The following ZDHHC14 variants were observed in gnomAD, a reference collection of about 807,000 sequenced individuals.
ZDHHC14 encodes the protein palmitoyltransferase ZDHHC14.
Under a neutral mutation model 47.7 loss-of-function variants are expected in ZDHHC14, and 16 were observed. That is an observed-to-expected ratio of 0.34 (90% CI 0.23 to 0.51). The LOEUF is 0.51. ZDHHC14 is among the 20% of genes least tolerant of loss of function. ZDHHC14 has a pLI of 0.97. For synonymous variants in ZDHHC14, 293 were observed against 278.9 expected (o/e 1.05, Z -0.50); for missense variants, 515 against 662.5 (o/e 0.78, Z 2.44).
intron 2 of ZDHHC14, among the ~76,000 whole-genome samples, chr6:157,547,189 C>T (rs887574746): frequency 3.9e-5 from 6 of 152,206 alleles, no homozygotes; most frequent in Non-Finnish European, 5.9e-5. Context: ...CGCACGTGCA[C>T]GTGTGTGTGT....
chr6:157,525,427 A>G (rs532971244), intron 1 of ZDHHC14, among the ~76,000 whole-genome samples: 61 of 152,038 alleles, frequency 4.0e-4, no homozygotes, highest in Non-Finnish European at 2.2e-4. Context: ...CGGCCTCCCA[A>G]ACTTCTGGGA....
intron 1 of ZDHHC14, among the ~76,000 whole-genome samples, chr6:157,397,613 G>T (rs145551930): frequency 0.012 from 1,769 of 152,296 alleles, 14 homozygotes; most frequent in Non-Finnish European, 0.016. Flanking sequence ...AGGAGTTTCA[G>T]CTCAAGGCCC....
chr6:157,381,626 T>C lies in ZDHHC14; in HGVS notation c.-396T>C. 3.7e-6 allele frequency: 1 copy of C among 272,576 alleles called. No homozygotes were observed. The highest frequency in any genetic ancestry group is 2.9e-5 in the South Asian group (1 of 34,938). The allele number at this position is 272,576 out of a possible 1,614,324, so 16.9% of individuals were successfully genotyped here. A position where few individuals can be genotyped will look rare whatever the true frequency, so the allele number is the denominator to read the frequency against. On this transcript the variant is annotated 5_prime_UTR_variant, in exon 1 of 9. Transcript: ENST00000359775. ...CCCCTCGGGGCGCAGTGCTCGGGGG[T>C]CGGCGGGCCAGAGCCGAGGCGCGGC...
intron 1 of ZDHHC14, among the ~76,000 whole-genome samples, chr6:157,423,012 C>A (rs941871895): frequency 6.6e-6 from 1 of 152,214 alleles, no homozygotes. Context: ...ACTTTTCAGT[C>A]GATAAGGAAA....
At chr6:157,399,245 T>C (rs1306271498) in intron 1 of ZDHHC14, among the ~76,000 whole-genome samples, 1 of 152,228 alleles carries the variant, frequency 6.6e-6, no homozygotes, top group African/African-American at 2.4e-5. Flanking sequence ...TCAAGAAATA[T>C]TTACTGAGTA....
At chr6:157,575,089 C>T (rs1055164774) in intron 2 of ZDHHC14, among the ~76,000 whole-genome samples, 1 of 152,086 alleles carries the variant, frequency 6.6e-6, no homozygotes, top group Non-Finnish European at 1.5e-5. Context: ...GTGTTGCCAT[C>T]TTGAGCCTGA....
chr6:157,439,925 C>T (rs140236419), intron 1 of ZDHHC14, among the ~76,000 whole-genome samples: 203 of 152,136 alleles, frequency 1.3e-3, no homozygotes, highest in African/African-American at 4.6e-3. Flanking sequence ...AACCGAACAC[C>T]GCATGTTCTC....
At chr6:157,574,290 G>T (rs1015440696) in intron 2 of ZDHHC14, among the ~76,000 whole-genome samples, 3 of 152,118 alleles carry the variant, frequency 2.0e-5, no homozygotes, top group African/African-American at 7.2e-5. Flanking sequence ...GAGCATGGTG[G>T]TGAATGCCTG....
chr6:157,468,892 A>G (rs1031528728), intron 1 of ZDHHC14, among the ~76,000 whole-genome samples: 1 of 152,192 alleles, frequency 6.6e-6, no homozygotes, highest in Non-Finnish European at 1.5e-5. Context: ...AGGATTTAAG[A>G]TCATTTAACT....
chr6:157,616,988 C>T (rs1163972828), intron 3 of ZDHHC14, among the ~76,000 whole-genome samples: 7 of 152,158 alleles, frequency 4.6e-5, no homozygotes, highest in Admixed American at 6.5e-5. Flanking sequence ...TAGGGGTCTT[C>T]TGACCATCAC....
At chr6:157,536,670 A>G (rs993583420) in intron 1 of ZDHHC14, among the ~76,000 whole-genome samples, 1 of 152,192 alleles carries the variant, frequency 6.6e-6, no homozygotes, top group Non-Finnish European at 1.5e-5. Flanking sequence ...CATTATGTCA[A>G]ATTCTAACCT....
chr6:157,636,299 C>A (rs1270915894), intron 5 of ZDHHC14, among the ~76,000 whole-genome samples: 2 of 151,436 alleles, frequency 1.3e-5, no homozygotes, highest in Non-Finnish European at 2.9e-5. Flanking sequence ...TATAGACGCA[C>A]ACACACACAT....
intron 2 of ZDHHC14, among the ~76,000 whole-genome samples, chr6:157,579,190 GTT>G (rs1187065924): frequency 3.1e-5 from 2 of 63,968 alleles, no homozygotes; most frequent in African/African-American, 5.5e-5. Flanking sequence ...TTGATTCTGT[GTT>G]TTTTTTTTTT....
At chr6:157,414,041 A>T (rs543976146) in intron 1 of ZDHHC14, among the ~76,000 whole-genome samples, 55 of 152,210 alleles carry the variant, frequency 3.6e-4, no homozygotes, top group African/African-American at 1.3e-3. Context: ...GGTTCAAGCG[A>T]TTCTCCTGCC....
intron 1 of ZDHHC14, among the ~76,000 whole-genome samples, chr6:157,391,208 A>T (rs1035210961): frequency 6.6e-6 from 1 of 152,212 alleles, no homozygotes; most frequent in Non-Finnish European, 1.5e-5. Flanking sequence ...CTTACCAAAC[A>T]GTGGAAGATT....
At chr6:157,509,537 C>T (rs1403755401) in intron 1 of ZDHHC14, among the ~76,000 whole-genome samples, 1 of 152,188 alleles carries the variant, frequency 6.6e-6, no homozygotes, top group Non-Finnish European at 1.5e-5. Context: ...GGCGGCAGAG[C>T]TGGATTCACA....
rs1160620971 is a variant in ZDHHC14, at chr6:157,463,204, A to G, written c.246-79381A>G. On this transcript the variant is annotated intron_variant, in intron 1 of 8. Coordinates refer to ENST00000359775, the MANE Select transcript of ZDHHC14 (RefSeq NM_024630.3). This position sits in a 1 kb window ranked among gnomAD's most constrained non-coding sequence, Gnocchi z 4.4. Reference sequence around the variant, plus strand: ...AAATGAAGACCTGAGAACATAAGAAAATAGAAATGTCACAGCCTGTTGTTT... The same window carrying G: ...AAATGAAGACCTGAGAACATAAGAAGATAGAAATGTCACAGCCTGTTGTTT... Among the ~76,000 whole-genome samples the G allele has an allele frequency of 1.3e-5, 2 of 152,194 alleles. No homozygotes were observed. Among genetic ancestry groups the G allele is most frequent in the East Asian group, 3.8e-4 (2 of 5,202 alleles).
At chr6:157,638,873 G>A (rs1456574950) in intron 5 of ZDHHC14, among the ~76,000 whole-genome samples, 4 of 152,254 alleles carry the variant, frequency 2.6e-5, no homozygotes, top group Non-Finnish European at 4.4e-5. Flanking sequence ...TGGGAGATGG[G>A]TGGGTTCTAG....
chr6:157,634,251 G>A (rs1438206642), intron 5 of ZDHHC14, among the ~76,000 whole-genome samples: 1 of 152,058 alleles, frequency 6.6e-6, no homozygotes, highest in Non-Finnish European at 1.5e-5. Flanking sequence ...TGTGGATGGG[G>A]CCTGGGACAT....
Sources: allele counts gnomAD v4.1 joint callset (sites outside exome capture counted in the v4.1 genomes callset), GRCh38; gene constraint gnomAD v4.1.1; non-coding constraint Gnocchi (gnomAD v3.1); transcripts MANE v1.5; gene names NCBI Gene and HGNC (gene_info 2026-07-23, HGNC 2026-07-21).